The following GPC6 variants were observed in gnomAD, a reference collection of about 807,000 sequenced individuals.
The protein encoded by GPC6 is glypican 6.
GPC6 carries 14 observed loss-of-function variants against 55.2 expected under a neutral mutation model. The observed-to-expected ratio is 0.25, with a 90% CI of 0.17 to 0.40. The LOEUF is 0.40. Ranked by LOEUF, GPC6 falls within the 10% of genes least tolerant of loss-of-function variation. GPC6 has a pLI of 1.00. For missense variants in GPC6, 641 were observed against 708.5 expected (o/e 0.90, Z 1.08); for synonymous variants, 278 against 259.6 (o/e 1.07, Z -0.68).
intron 2 of GPC6, among the ~76,000 whole-genome samples, chr13:93,675,948 G>A (rs1004469120): frequency 2.0e-5 from 3 of 151,516 alleles, no homozygotes; most frequent in Non-Finnish European, 2.9e-5. Flanking sequence ...GCAGGTCAAA[G>A]TAATGAAGAT....
At chr13:93,976,908 T>C (rs1357398605) in intron 3 of GPC6, among the ~76,000 whole-genome samples, 2 of 152,072 alleles carry the variant, frequency 1.3e-5, no homozygotes, top group African/African-American at 4.8e-5. Context: ...ATTCCCTAAA[T>C]CAGAAACAGC....
intron 4 of GPC6, among the ~76,000 whole-genome samples, chr13:94,172,657 G>A (rs548665288): frequency 3.3e-5 from 5 of 152,212 alleles, no homozygotes; most frequent in African/African-American, 1.2e-4. Flanking sequence ...ATTGCTCTCT[G>A]GCTCTTTACA....
At chr13:93,571,290 G>T (rs1164719568) in intron 2 of GPC6, among the ~76,000 whole-genome samples, 1 of 152,114 alleles carries the variant, frequency 6.6e-6, no homozygotes, top group Non-Finnish European at 1.5e-5. Context: ...ACTTAAGGCT[G>T]CCCTAGTTTG....
intron 2 of GPC6, among the ~76,000 whole-genome samples, chr13:93,802,234 T>A (rs1423126853): frequency 2.0e-5 from 3 of 152,116 alleles, no homozygotes; most frequent in Non-Finnish European, 4.4e-5. Flanking sequence ...ATATGGCAAT[T>A]TTTTTCCTGT....
intron 2 of GPC6, among the ~76,000 whole-genome samples, chr13:93,666,168 A>C (rs1188909811): frequency 1.3e-5 from 2 of 152,144 alleles, no homozygotes; most frequent in Middle Eastern, 3.2e-3. Context: ...TGGAGCAAAC[A>C]TTTTCCTGAT....
At chr13:93,653,282 T>C (rs1880502084) in intron 2 of GPC6, among the ~76,000 whole-genome samples, 1 of 152,210 alleles carries the variant, frequency 6.6e-6, no homozygotes, top group South Asian at 2.1e-4. Context: ...TATTAGAGGT[T>C]GTATTAGGCT....
At chr13:93,843,476 G>A (rs750453387) in intron 3 of GPC6, among the ~76,000 whole-genome samples, 17 of 152,066 alleles carry the variant, frequency 1.1e-4, no homozygotes, top group Non-Finnish European at 2.4e-4. Flanking sequence ...AAAAATGTGT[G>A]GTAGAAATCC....
chr13:94,069,071 G>A (rs1337821190), intron 4 of GPC6, among the ~76,000 whole-genome samples: 3 of 152,180 alleles, frequency 2.0e-5, no homozygotes, highest in Admixed American at 1.3e-4. Flanking sequence ...GGTTCTCCAT[G>A]AGGGACCCAC....
chr13:94,037,399 A>C (rs915958223), intron 4 of GPC6, among the ~76,000 whole-genome samples: 3 of 152,000 alleles, frequency 2.0e-5, no homozygotes, highest in Non-Finnish European at 4.4e-5. Context: ...ACTCACTTGC[A>C]ACCATAATAT....
At chr13:93,521,510 G>A (rs929043707) in intron 1 of GPC6, among the ~76,000 whole-genome samples, 7 of 151,882 alleles carry the variant, frequency 4.6e-5, no homozygotes, top group Non-Finnish European at 2.9e-5. Context: ...GTGAACGCTG[G>A]TGCAGGCTGA....
At chr13:94,369,995 A>G (rs1431396992) in intron 6 of GPC6, among the ~76,000 whole-genome samples, 1 of 152,234 alleles carries the variant, frequency 6.6e-6, no homozygotes, top group Non-Finnish European at 1.5e-5. Flanking sequence ...GCACTGGTAC[A>G]CACAAAGCTC....
chr13:93,465,532 T>C (rs1878872767), intron 1 of GPC6, among the ~76,000 whole-genome samples: 1 of 152,214 alleles, frequency 6.6e-6, no homozygotes, highest in African/African-American at 2.4e-5. Context: ...AAACTTTTTT[T>C]CTGCAGCTTC....
At chr13:93,782,936 T>C (rs558239377) in intron 2 of GPC6, among the ~76,000 whole-genome samples, 109 of 152,264 alleles carry the variant, frequency 7.2e-4, no homozygotes, top group African/African-American at 2.3e-3. Context: ...CACCTATCAA[T>C]CCATCACCTA....
At chr13:93,885,782 T>A (rs1205962184) in intron 3 of GPC6, among the ~76,000 whole-genome samples, 1 of 152,184 alleles carries the variant, frequency 6.6e-6, no homozygotes, top group Non-Finnish European at 1.5e-5. Context: ...TCATATTTTT[T>A]ACAATCTAAA....
At chr13:93,848,357 C>A (rs1247583155) in intron 3 of GPC6, among the ~76,000 whole-genome samples, 1 of 151,900 alleles carries the variant, frequency 6.6e-6, no homozygotes, top group African/African-American at 2.4e-5. Context: ...GTGTTGCTTT[C>A]TTTCTGTGTT....
chr13:93,882,246 C>G (rs1875036592), intron 3 of GPC6, among the ~76,000 whole-genome samples: 1 of 151,930 alleles, frequency 6.6e-6, no homozygotes. Flanking sequence ...CCTTGACCTT[C>G]CAGACTCAAG....
At chr13:94,089,110 A>G (rs1025391001) in intron 4 of GPC6, among the ~76,000 whole-genome samples, 27 of 152,302 alleles carry the variant, frequency 1.8e-4, no homozygotes, top group Admixed American at 5.2e-4. Context: ...CTCCAATTCA[A>G]TTGATTTAGA....
chr13:93,395,451 C>T (rs1363476490), intron 1 of GPC6: 1 of 237,742 alleles, frequency 4.2e-6, no homozygotes, highest in Non-Finnish European at 8.4e-6. Context: ...CTGTCTTGGT[C>T]AATCATTATT....
intron 4 of GPC6, among the ~76,000 whole-genome samples, chr13:94,128,603 A>G (rs977751416): frequency 3.3e-5 from 5 of 152,270 alleles, no homozygotes; most frequent in African/African-American, 1.2e-4. Flanking sequence ...TTAACGGGCA[A>G]TTAAATGCTC....
Sources: allele counts gnomAD v4.1 joint callset (sites outside exome capture counted in the v4.1 genomes callset), GRCh38; gene constraint gnomAD v4.1.1; transcripts MANE v1.5; gene names NCBI Gene and HGNC (gene_info 2026-07-23, HGNC 2026-07-21).